JAKMIP1: variants seen among roughly 807,000 people sequenced by gnomAD.
The protein encoded by JAKMIP1 is janus kinase and microtubule interacting protein 1, also known as janus kinase and microtubule-interacting protein 1.
A neutral mutation model predicts 113.0 loss-of-function variants in JAKMIP1; 33 were observed. The ratio of observed to expected loss-of-function variants is 0.29; its 90% confidence interval spans 0.22 to 0.39. The LOEUF (loss-of-function observed/expected upper bound fraction) is 0.39. Among genes scored for constraint, JAKMIP1 ranks in the 10% least tolerant of loss-of-function variants. The probability of loss-of-function intolerance (pLI) is 1.00; values close to 1 mark genes in which losing one functional copy is unlikely to be tolerated. For missense variants in JAKMIP1, 813 were observed against 1,080.5 expected (o/e 0.75, Z 3.47); for synonymous variants, 480 against 459.9 (o/e 1.04, Z -0.56).
rs753664966 is a variant in JAKMIP1 at position 6,080,159 on chromosome 4, G to C, written c.1242+13C>G. ...CCTGCCAGGGGCAGCCGCGCCAGCT[G>C]TGCTAGATGTACCAGTGAGAGGTCG... On this transcript the variant is annotated intron_variant, in intron 7 of 20. Transcript: ENST00000409021. The surrounding 1 kb of genome is among the most constrained non-coding windows in gnomAD (Gnocchi z 6.0). 12 of 1,594,276 alleles carry C rather than the reference G, an allele frequency of 7.5e-6. No homozygotes were observed. The highest frequency in any genetic ancestry group is 1.0e-5 in the Non-Finnish European group (12 of 1,170,376).
intron 18 of JAKMIP1, among the ~76,000 whole-genome samples, chr4:6,036,682 G>A (rs1713489584): frequency 6.6e-6 from 1 of 152,218 alleles, no homozygotes; most frequent in Admixed American, 6.5e-5. Flanking sequence ...CCTTGTGAAA[G>A]CTGAGTTGTC....
chr4:6,079,422 G>A (rs1246772474), intron 7 of JAKMIP1, among the ~76,000 whole-genome samples: 4 of 152,060 alleles, frequency 2.6e-5, no homozygotes, highest in Non-Finnish European at 5.9e-5. Flanking sequence ...GGAGATGGAG[G>A]CAGGCAAAAT....
At chr4:6,052,124 A>C (rs1036156704) in intron 13 of JAKMIP1, among the ~76,000 whole-genome samples, 5 of 152,184 alleles carry the variant, frequency 3.3e-5, no homozygotes, top group African/African-American at 1.2e-4. Flanking sequence ...TAATTCAATC[A>C]ATTTCCATGA....
chr4:6,097,510 C>T lies in JAKMIP1; in HGVS notation c.624+7963G>A, dbSNP rs948590538. Among the ~76,000 whole-genome samples, 3 of 152,134 alleles carry T rather than the reference C, an allele frequency of 2.0e-5. No homozygotes were observed. Among genetic ancestry groups the T allele is most frequent in the Admixed American group, 6.5e-5 (1 of 15,284 alleles). On this transcript the variant is annotated intron_variant, in intron 3 of 20. Transcript: ENST00000409021. This position sits in a 1 kb window ranked among gnomAD's most constrained non-coding sequence, Gnocchi z 4.3. ...ATGCTAAATACACTGCGTTGTACAC[C>T]TGCATTTTGACTGCGATCTGTCACA...
chr4:6,085,655 C>A (rs770366880), intron 3 of JAKMIP1, 26 bp from the exon 4 acceptor site: 3 of 1,605,630 alleles, frequency 1.9e-6, no homozygotes, highest in South Asian at 1.1e-5. Context: ...AATAAGCAGT[C>A]AGCCCTAGGG....
Position 6,168,991 on chromosome 4 carries a change from G to A in JAKMIP1, c.-148+31262C>T, listed in dbSNP as rs1488801023. Among the ~76,000 whole-genome samples, 1 of 152,128 alleles carries A rather than the reference G, an allele frequency of 6.6e-6. No homozygotes were observed. Among genetic ancestry groups the A allele is most frequent in the Non-Finnish European group, 1.5e-5 (1 of 68,020 alleles). ...CGTGAAAGGAAGAGTTGGTGGTGGG[G>A]ACTGTTAATAGGCATTGGATTTCTT... On this transcript the variant is annotated intron_variant, in intron 1 of 20. Transcript: ENST00000409021. This position sits in a 1 kb window ranked among gnomAD's most constrained non-coding sequence, Gnocchi z 4.6.
In JAKMIP1 at chr4:6,081,851, C is replaced by T; in HGVS notation, c.955-96G>A. 1 of 1,436,214 alleles carries T rather than the reference C, an allele frequency of 7.0e-7. No homozygotes were observed. The highest frequency in any genetic ancestry group is 9.6e-7 in the Non-Finnish European group (1 of 1,041,248). 89.0% of individuals were successfully genotyped at this position (1,436,214 alleles called of 1,614,324 possible). On this transcript the variant is annotated intron_variant, in intron 5 of 20. Coordinates refer to ENST00000409021, the MANE Select transcript of JAKMIP1 (RefSeq NM_001099433.2). The surrounding 1 kb of genome is among the most constrained non-coding windows in gnomAD (Gnocchi z 4.6). ...GAGCAGAGACTCAACCCAGTTAGGA[C>T]CCCTTCTGAGGCCAGTGTCCTGGAT...
rs548101497 is a variant in JAKMIP1, at chr4:6,154,954, TG to T, written c.-147-41958del. 6.6e-6 allele frequency among the ~76,000 whole-genome samples: 1 copy of T among 151,712 alleles called. No homozygotes were observed. The highest frequency in any genetic ancestry group is 2.4e-5 in the African/African-American group (1 of 41,386). ...ACGCAGGGAAAGGTGCGGGGTAGGGTGGGGGGTCTTAGCTGGGGTGGAGCCT... is the reference window on the plus strand; with the variant it reads ...ACGCAGGGAAAGGTGCGGGGTAGGGTGGGGGTCTTAGCTGGGGTGGAGCCT... On this transcript the variant is annotated intron_variant, in intron 1 of 20. Coordinates refer to ENST00000409021, the MANE Select transcript of JAKMIP1 (RefSeq NM_001099433.2). The surrounding 1 kb of genome is among the most constrained non-coding windows in gnomAD (Gnocchi z 4.2).
At chr4:6,075,229 T>C (rs1015042118) in intron 8 of JAKMIP1, among the ~76,000 whole-genome samples, 2 of 152,208 alleles carry the variant, frequency 1.3e-5, no homozygotes, top group Admixed American at 1.3e-4. Flanking sequence ...ACCATCCATT[T>C]TTTTTTTCCT....
chr4:6,074,117 T>C (rs1179193562), intron 8 of JAKMIP1, among the ~76,000 whole-genome samples: 1 of 152,252 alleles, frequency 6.6e-6, no homozygotes, highest in African/African-American at 2.4e-5. Context: ...GCACCAATCT[T>C]GTCCCTGGAG....
At position 6,093,226 on chromosome 4, in the gene JAKMIP1, C is replaced by G. The variant is rs776653142; in HGVS notation, c.625-7597G>C. Among the ~76,000 whole-genome samples the G allele has an allele frequency of 7.2e-5, 11 of 152,186 alleles. No individual in the cohort carries two copies. The highest frequency in any genetic ancestry group is 1.5e-4 in the Non-Finnish European group (10 of 68,036). ...ATCACATCCTCTTCTTTGTTGCTGCCTCTTTGGCTTGCATGGTCCTATTAC... is the reference window on the plus strand; with the variant it reads ...ATCACATCCTCTTCTTTGTTGCTGCGTCTTTGGCTTGCATGGTCCTATTAC... On this transcript the variant is annotated intron_variant, in intron 3 of 20. Transcript: ENST00000409021. The surrounding 1 kb of genome is among the most constrained non-coding windows in gnomAD (Gnocchi z 4.6).
intron 1 of JAKMIP1, among the ~76,000 whole-genome samples, chr4:6,133,365 T>C (rs575471689): frequency 6.6e-6 from 1 of 152,272 alleles, no homozygotes; most frequent in East Asian, 1.9e-4. Context: ...ATGAAAAAGG[T>C]TAGAACAAGT....
rs1482536432 is a variant in JAKMIP1 at position 6,080,372 on chromosome 4, CA to C, written c.1102-61del. The stretch of plus-strand genomic sequence containing the variant: ...ACCCGCCAACAGTGTTTGTTAGGGA[CA>C]GTGCTGGAGTGGAGCTCAGGGGTGC... On this transcript the variant is annotated intron_variant, in intron 6 of 20. Transcript: ENST00000409021. This position sits in a 1 kb window ranked among gnomAD's most constrained non-coding sequence, Gnocchi z 6.0. The C allele has an allele frequency of 9.4e-6, 15 of 1,588,974 alleles. No individual in the cohort carries two copies. The highest frequency in any genetic ancestry group is 1.3e-5 in the Non-Finnish European group (15 of 1,166,598).
In JAKMIP1 at chr4:6,197,187, C is replaced by T. The variant is rs113544785; in HGVS notation, c.-148+3066G>A. ...AAAAGAAGTGAGTACAGGGGCTAAG[C>T]GACTTGCCCAACGTCACACTGTCAG... is the stretch of plus-strand genomic sequence containing the variant. On this transcript the variant is annotated intron_variant, in intron 1 of 20. Coordinates refer to ENST00000409021, the MANE Select transcript of JAKMIP1 (RefSeq NM_001099433.2). This position sits in a 1 kb window ranked among gnomAD's most constrained non-coding sequence, Gnocchi z 6.5. 9.7e-4 allele frequency among the ~76,000 whole-genome samples: 148 copies of T among 152,318 alleles called. No individual in the cohort carries two copies. The highest frequency in any genetic ancestry group is 1.5e-3 in the Non-Finnish European group (99 of 68,032).
At chr4:6,046,457 C>T (rs571965772) in intron 16 of JAKMIP1, among the ~76,000 whole-genome samples, 17 of 152,310 alleles carry the variant, frequency 1.1e-4, no homozygotes, top group African/African-American at 3.1e-4. Context: ...GCCCCATAAC[C>T]GTCAGTAGGG....
At chr4:6,120,794 C>G (rs1257273516) in intron 1 of JAKMIP1, among the ~76,000 whole-genome samples, 1 of 152,128 alleles carries the variant, frequency 6.6e-6, no homozygotes, top group African/African-American at 2.4e-5. Context: ...CCTTTATGGC[C>G]CAAGTGGAGA....
chr4:6,185,118 G>A lies in JAKMIP1; in HGVS notation c.-148+15135C>T, dbSNP rs1726497967. Reference sequence around the variant, plus strand: ...CACTGTCAGCTTCCTTACTTTTGAGGTTTTGGGACTCGAACTGGCTTCCTT... The same window carrying A: ...CACTGTCAGCTTCCTTACTTTTGAGATTTTGGGACTCGAACTGGCTTCCTT... On this transcript the variant is annotated intron_variant, in intron 1 of 20. Coordinates refer to ENST00000409021, the MANE Select transcript of JAKMIP1 (RefSeq NM_001099433.2). This position sits in a 1 kb window ranked among gnomAD's most constrained non-coding sequence, Gnocchi z 5.3. 2.0e-5 allele frequency among the ~76,000 whole-genome samples: 3 copies of A among 152,304 alleles called. No homozygotes were observed. The highest frequency in any genetic ancestry group is 3.9e-4 in the East Asian group (2 of 5,184).
intron 19 of JAKMIP1, among the ~76,000 whole-genome samples, chr4:6,030,701 G>A (rs1313931550): frequency 6.6e-6 from 1 of 152,194 alleles, no homozygotes; most frequent in African/African-American, 2.4e-5. Flanking sequence ...GCGGAAGGGT[G>A]GACGATTTCA....
intron 3 of JAKMIP1, among the ~76,000 whole-genome samples, chr4:6,099,349 A>G (rs1272687256): frequency 1.3e-5 from 2 of 151,144 alleles, no homozygotes; most frequent in Non-Finnish European, 2.9e-5. Flanking sequence ...CTCTCATTTT[A>G]TTTCCCCATT....
Sources: gnomAD v4.1 joint callset for allele counts (sites outside exome capture counted in the v4.1 genomes callset) on GRCh38, gnomAD v4.1.1 for gene constraint, Gnocchi (gnomAD v3.1) non-coding constraint, MANE v1.5 for transcripts, NCBI Gene and HGNC (gene_info 2026-07-23, HGNC 2026-07-21) for gene names.